SLC47A2: variants seen among roughly 807,000 people sequenced by gnomAD.
SLC47A2 encodes the protein solute carrier family 47 member 2, also known as multidrug and toxin extrusion protein 2.
In SLC47A2, 52 loss-of-function variants were observed where a neutral mutation model predicts 67.7. That is an observed-to-expected ratio of 0.77 (90% CI 0.61 to 0.97). The LOEUF is 0.97. Ranked by LOEUF, SLC47A2 falls within the 50% of genes least tolerant of loss-of-function variation. The pLI is 0.00. For missense variants in SLC47A2, 676 were observed against 712.3 expected, an observed-to-expected ratio of 0.95 and a Z score of 0.58; for synonymous variants, 278 against 292.9, an observed-to-expected ratio of 0.95 and a Z score of 0.52.
chr17:19,680,234 T>G (rs2085284235), intron 15 of SLC47A2, among the ~76,000 whole-genome samples, 195 bp from the exon 16 acceptor site: 1 of 152,126 alleles, frequency 6.6e-6, no homozygotes, highest in African/African-American at 2.4e-5. Context: ...TCCCAGCACT[T>G]TGGGAGGCCG....
Position 19,703,713 on chromosome 17 carries a change from C to G in SLC47A2, c.1018+357G>C, listed in dbSNP as rs75793204. Among the ~76,000 whole-genome samples, 1,184 of 152,292 alleles carry G rather than the reference C, an allele frequency of 7.8e-3. 6 individuals carry two copies. The highest frequency in any genetic ancestry group is 0.013 in the Non-Finnish European group (892 of 68,026). ...GGAGGGCCAGGCCTGCAGAAGGACT[C>G]TGGACAGCTGGAAGGAGAGTGCTGG... On this transcript the variant is annotated intron_variant, in intron 11 of 16. Transcript: ENST00000433844.
At chr17:19,707,893 C>T (rs1005874655) in intron 7 of SLC47A2, 50 bp from the exon 8 acceptor site, 3 of 1,508,468 alleles carry the variant, frequency 2.0e-6, no homozygotes, top group African/African-American at 1.4e-5. Context: ...CTCTCTGCCA[C>T]CGCCCTGCCT....
intron 4 of SLC47A2, among the ~76,000 whole-genome samples, chr17:19,713,171 C>T (rs558649582): frequency 1.2e-4 from 19 of 152,120 alleles, no homozygotes; most frequent in South Asian, 1.2e-3. Flanking sequence ...AGGTGGATCA[C>T]GAGGTCAGGA....
rs12602112 is a variant in SLC47A2, at chr17:19,692,272, C to A, written c.1164+10333G>T. ...AGAAAAGATCCATAAAATTGACCCA[C>A]GCTTACCAAGGATCTGATCTTGGTA... is the stretch of plus-strand genomic sequence containing the variant. On this transcript the variant is annotated intron_variant, in intron 13 of 16. Transcript: ENST00000433844. 1.4e-5 allele frequency: 6 copies of A among 428,922 alleles called. No homozygotes were observed. The East Asian group carries it at 4.5e-4, about 32-fold the overall frequency. The allele number at this position is 428,922 out of a possible 1,614,324, so 26.6% of individuals were successfully genotyped here.
chr17:19,704,701 G>C (rs1230268397), intron 10 of SLC47A2: 5 of 1,549,434 alleles, frequency 3.2e-6, no homozygotes, highest in Non-Finnish European at 4.4e-6. Flanking sequence ...GTCTCTGTGG[G>C]GAGTAGAGGG....
At chr17:19,709,450 A>G (rs1441310529) in intron 5 of SLC47A2, among the ~76,000 whole-genome samples, 1 of 152,134 alleles carries the variant, frequency 6.6e-6, no homozygotes, top group African/African-American at 2.4e-5. Context: ...AGCATAGTGT[A>G]CTGATTAAGA....
At chr17:19,698,180 C>T (rs1011150842) in intron 13 of SLC47A2, among the ~76,000 whole-genome samples, 1 of 152,150 alleles carries the variant, frequency 6.6e-6, no homozygotes, top group Non-Finnish European at 1.5e-5. Flanking sequence ...AGGAGTGATA[C>T]TACCCAATTT....
rs1447636239 is a variant in SLC47A2, at chr17:19,685,442, C to T, written c.1165-3772G>A. Among the ~76,000 whole-genome samples the T allele has an allele frequency of 6.6e-6, 1 of 151,140 alleles. No homozygotes were observed. Among genetic ancestry groups the T allele is most frequent in the South Asian group, 2.1e-4 (1 of 4,794 alleles). Reference sequence around the variant, plus strand: ...GCCCATCATCTGGGATGTGAGGAGCCCCTCTGCCTGGCCGCCCCGTCTGGG... The same window carrying T: ...GCCCATCATCTGGGATGTGAGGAGCTCCTCTGCCTGGCCGCCCCGTCTGGG... On this transcript the variant is annotated intron_variant, in intron 13 of 16. Coordinates refer to ENST00000433844, the MANE Select transcript of SLC47A2 (RefSeq NM_001099646.3). This position sits in a 1 kb window ranked among gnomAD's most constrained non-coding sequence, Gnocchi z 4.5.
intron 9 of SLC47A2, 113 bp from the exon 10 acceptor site, chr17:19,705,616 T>A: frequency 1.0e-6 from 1 of 957,994 alleles, no homozygotes; most frequent in South Asian, 1.8e-5. Flanking sequence ...TTTTTCTTCC[T>A]TGAGACAGGG....
intron 13 of SLC47A2, among the ~76,000 whole-genome samples, chr17:19,700,918 C>T (rs571297946): frequency 4.1e-4 from 63 of 151,898 alleles, no homozygotes; most frequent in Non-Finnish European, 7.4e-4. Flanking sequence ...GTAATCCCAG[C>T]GCATTTTGGG....
chr17:19,708,540 A>T, intron 6 of SLC47A2, 141 bp from the exon 7 acceptor site: 5 of 1,612,130 alleles, frequency 3.1e-6, no homozygotes, highest in Non-Finnish European at 4.2e-6. Flanking sequence ...TGGGACGCAC[A>T]GCCTCTCACC....
chr17:19,707,520 G>A (rs1176892518), intron 8 of SLC47A2, among the ~76,000 whole-genome samples: 1 of 152,182 alleles, frequency 6.6e-6, no homozygotes, highest in Non-Finnish European at 1.5e-5. Context: ...CCTGGGCCAG[G>A]CTTCTGTGAT....
intron 5 of SLC47A2, among the ~76,000 whole-genome samples, chr17:19,709,552 G>T (rs1309039433): frequency 6.6e-6 from 1 of 152,158 alleles, no homozygotes; most frequent in African/African-American, 2.4e-5. Flanking sequence ...CCCTGAGTTT[G>T]TCTCCTCATC....
chr17:19,702,735 C>T, intron 12 of SLC47A2, 61 bp from the exon 13 acceptor site: 6 of 1,553,618 alleles, frequency 3.9e-6, no homozygotes, highest in African/African-American at 1.4e-5. Flanking sequence ...CATTTATATC[C>T]CTTCTATTCC....
intron 9 of SLC47A2, 76 bp from the exon 10 acceptor site, chr17:19,705,579 G>T: frequency 7.1e-7 from 1 of 1,412,484 alleles, no homozygotes; most frequent in Non-Finnish European, 9.4e-7. Context: ...ACGCTGCTTT[G>T]CTTTGGGGAC....
chr17:19,702,691 A>G lies in SLC47A2; in HGVS notation c.1095-17T>C, dbSNP rs755982481. Reference sequence around the variant, plus strand: ...ATGACATCTCTGCAGAAGAAATGAGAAAGCATTAAGACACAGATGTATCCT... The same window carrying G: ...ATGACATCTCTGCAGAAGAAATGAGGAAGCATTAAGACACAGATGTATCCT... On this transcript the variant is annotated splice_polypyrimidine_tract_variant and intron_variant, in intron 12 of 16. Coordinates refer to ENST00000433844, the MANE Select transcript of SLC47A2 (RefSeq NM_001099646.3). 6.2e-7 allele frequency: 1 copy of G among 1,613,444 alleles called. No homozygotes were observed. The highest frequency in any genetic ancestry group is 2.2e-5 in the East Asian group (1 of 44,878).
At chr17:19,698,228 T>A (rs2085708759) in intron 13 of SLC47A2, among the ~76,000 whole-genome samples, 1 of 152,212 alleles carries the variant, frequency 6.6e-6, no homozygotes, top group African/African-American at 2.4e-5. Context: ...CAAGACAGCA[T>A]GGTAAAGTTG....
chr17:19,714,124 G>T (rs2086185244), intron 3 of SLC47A2, 151 bp from the exon 4 acceptor site: 1 of 1,058,574 alleles, frequency 9.4e-7, no homozygotes, highest in Non-Finnish European at 1.3e-6. Context: ...GCCTGTAATG[G>T]CACAGCGGCC....
At chr17:19,705,396 G>C (rs2085903176) in intron 10 of SLC47A2, 40 bp downstream of exon 10, 1 of 1,584,810 alleles carries the variant, frequency 6.3e-7, no homozygotes, top group African/African-American at 1.3e-5. Context: ...CCAGCCATCA[G>C]GTGGGGGATG....
Sources: allele counts gnomAD v4.1 joint callset (sites outside exome capture counted in the v4.1 genomes callset), GRCh38; gene constraint gnomAD v4.1.1; non-coding constraint Gnocchi (gnomAD v3.1); transcripts MANE v1.5; gene names NCBI Gene and HGNC (gene_info 2026-07-23, HGNC 2026-07-21).